The following ACY3 variants were observed in gnomAD, a reference collection of about 807,000 sequenced individuals.
The protein encoded by ACY3 is aminoacylase 3.
A neutral mutation model predicts 24.6 loss-of-function variants in ACY3; 20 were observed. That is an observed-to-expected ratio of 0.81 (90% CI 0.57 to 1.18). ACY3 has a LOEUF of 1.18. ACY3 is among the 50% of genes most tolerant of loss of function. ACY3 has a pLI of 0.00. For synonymous variants in ACY3, 174 were observed against 188.4 expected, an observed-to-expected ratio of 0.92 and a Z score of 0.62; for missense variants, 423 against 426.8, an observed-to-expected ratio of 0.99 and a Z score of 0.08.
rs3223257 is a variant in ACY3, at chr11:67,644,732, CCACACACACACACA to C, written c.744+14_744+27del. 2.3e-6 allele frequency: 3 copies of C among 1,317,644 alleles called. No individual in the cohort carries two copies. Among genetic ancestry groups the C allele is most frequent in the Non-Finnish European group, 3.1e-6 (3 of 955,682 alleles). 81.6% of individuals were successfully genotyped at this position (1,317,644 alleles called of 1,614,324 possible). A position where few individuals can be genotyped will look rare whatever the true frequency, so the allele number is the denominator to read the frequency against. On this transcript the variant is annotated intron_variant, in intron 7 of 7. Transcript: ENST00000255082. ...CTGTGGCCCCAGAAATCACCCCCCA[CCACACACACACACA>C]CACACACACACACCTGCAGCTGAGG...
intron 7 of ACY3, among the ~76,000 whole-genome samples, chr11:67,644,367 G>A (rs1205543988): frequency 6.6e-6 from 1 of 152,226 alleles, no homozygotes; most frequent in Non-Finnish European, 1.5e-5. Flanking sequence ...CATGCATGGG[G>A]ATGCTCGAGG....
chr11:67,646,764 C>T (rs546417694), intron 3 of ACY3, 44 bp downstream of exon 3: 18 of 1,577,538 alleles, frequency 1.1e-5, no homozygotes, highest in African/African-American at 5.4e-5. Flanking sequence ...GGTGGGGACT[C>T]GGTGCCCAAC....
rs367771910 is a variant in ACY3, at chr11:67,642,571, TTTA to T, written c.*150_*152del. Reference sequence around the variant, plus strand: ...CCATGGACCTCTGGACATCTTCCATTTTATAGAAAGGGAAATTGAGGCCAGGGG... The same window carrying T: ...CCATGGACCTCTGGACATCTTCCATTTAGAAAGGGAAATTGAGGCCAGGGG... On this transcript the variant is annotated 3_prime_UTR_variant, in exon 8 of 8. Coordinates refer to ENST00000255082, the MANE Select transcript of ACY3 (RefSeq NM_080658.2). 1.2e-3 allele frequency: 924 copies of T among 744,030 alleles called. 11 individuals carry two copies. In the African/African-American group the frequency reaches 0.015, roughly 12 times the overall value. The allele number at this position is 744,030 out of a possible 1,614,324, so 46.1% of individuals were successfully genotyped here.
Position 67,642,843 on chromosome 11 carries a change from C to T in ACY3, c.841G>A (p.Val281Met), listed in dbSNP as rs2290959. ...TAGTAGGCAGCCTCGTTAATGAACA[C>T]GGGGTACACCGTGGACTCTCCCTCA... The part of the protein sequence containing the change: ...LYEGESTVYP[V>M]FINEAAYYEK... Residue 281 changes from valine (V) to methionine (M), a missense_variant, in exon 8 of 8, where the codon GTG (valine) becomes ATG (methionine). Val to Met is a conservative substitution (Grantham distance 21). Transcript: ENST00000255082. 1.6e-3 allele frequency: 2,549 copies of T among 1,614,112 alleles called. 59 individuals carry two copies. The East Asian group carries it at 0.043, about 27-fold the overall frequency.
chr11:67,643,008 C>A, intron 7 of ACY3, 69 bp from the exon 8 acceptor site: 1 of 1,394,494 alleles, frequency 7.2e-7, no homozygotes, highest in Non-Finnish European at 1.0e-6. Flanking sequence ...GGGGTGACCC[C>A]AGCTTGACAC....
intron 3 of ACY3, 69 bp downstream of exon 3, chr11:67,646,739 G>T: frequency 6.9e-7 from 1 of 1,451,598 alleles, no homozygotes; most frequent in East Asian, 2.4e-5. Flanking sequence ...GCTGGTGGCG[G>T]GAGGGAAGTT....
rs772555832 is a variant in ACY3 at position 67,645,905 on chromosome 11, G to C, written c.237-18C>G. The stretch of plus-strand genomic sequence containing the variant: ...GCCTGGAACTGTGGAGACGGGAATG[G>C]GGGACACCGATCTTCACAGTCTCAG... On this transcript the variant is annotated intron_variant, in intron 3 of 7. Transcript: ENST00000255082. The C allele has an allele frequency of 2.5e-6, 4 of 1,570,718 alleles. No individual in the cohort carries two copies. The highest frequency in any genetic ancestry group is 1.7e-4 in the Middle Eastern group (1 of 5,852).
intron 4 of ACY3, 114 bp downstream of exon 4, chr11:67,645,578 G>A (rs1315434718): frequency 9.5e-6 from 13 of 1,367,246 alleles, no homozygotes; most frequent in Non-Finnish European, 1.3e-5. Context: ...GGAGCCCAGG[G>A]GAAACTAGGC....
At position 67,644,839 on chromosome 11, in the gene ACY3, G is replaced by A; in HGVS notation, c.665C>T (p.Ala222Val). 1.3e-6 allele frequency: 2 copies of A among 1,591,752 alleles called. No homozygotes were observed. Among genetic ancestry groups the A allele is most frequent in the South Asian group, 2.3e-5 (2 of 88,816 alleles). ...GTAFPAFEME[A>V]YRPVGVVDFP... is the part of the protein sequence containing the mutation. ...GTCCACGACGCCCACGGGTCTATAG[G>A]CTTCCATCTCAAAGGCAGGAAAGGC... Residue 222 changes from alanine (A) to valine (V), a missense_variant, in exon 7 of 8, where the codon GCC becomes GTC. By Grantham distance (64) the Ala-to-Val change is moderately conservative (BLOSUM62 0). Transcript: ENST00000255082.
At chr11:67,645,178 G>A (rs376516493) in intron 5 of ACY3, 26 bp from the exon 6 acceptor site, 4 of 1,607,394 alleles carry the variant, frequency 2.5e-6, no homozygotes, top group Non-Finnish European at 3.4e-6. Flanking sequence ...CAAGGGGTTA[G>A]GCAGGTGCAG....
chr11:67,643,792 C>T (rs1046659971), intron 7 of ACY3, among the ~76,000 whole-genome samples: 5 of 151,818 alleles, frequency 3.3e-5, no homozygotes, highest in Non-Finnish European at 5.9e-5. Context: ...GTCAGGAGTT[C>T]GAGACCAGCC....
In ACY3 at chr11:67,644,820, G is replaced by A. The variant is rs751421943; in HGVS notation, c.684C>T (p.Val228=). Residue 228 remains valine, a synonymous_variant, in exon 7 of 8, where the codon GTC becomes GTT. Coordinates refer to ENST00000255082, the MANE Select transcript of ACY3 (RefSeq NM_080658.2). ...FEMEAYRPVG[V]VDFPRTEAGH... Reference sequence around the variant, plus strand: ...CGGCCTCGGTGCGGGGGAAGTCCACGACGCCCACGGGTCTATAGGCTTCCA... The same window carrying A: ...CGGCCTCGGTGCGGGGGAAGTCCACAACGCCCACGGGTCTATAGGCTTCCA... The A allele has an allele frequency of 5.1e-6, 8 of 1,577,778 alleles. No homozygotes were observed. The highest frequency in any genetic ancestry group is 4.7e-5 in the East Asian group (2 of 42,722).
chr11:67,647,211 C>T (rs1591132456), intron 2 of ACY3, 148 bp from the exon 3 acceptor site: 2 of 565,254 alleles, frequency 3.5e-6, no homozygotes, highest in South Asian at 2.7e-5. Flanking sequence ...CACCTGCACC[C>T]CCAGTGGCCC....
At position 67,645,965 on chromosome 11, in the gene ACY3, G is replaced by C. The variant is rs543037555; in HGVS notation, c.237-78C>G. 7.2e-5 allele frequency: 103 copies of C among 1,422,632 alleles called. No individual in the cohort carries two copies. The Admixed American group carries it at 2.3e-3, about 32-fold the overall frequency. The allele number at this position is 1,422,632 out of a possible 1,614,324, so 88.1% of individuals were successfully genotyped here. ...AGTGGTTTAAGGGGAAAGGGGCAGGGGCCCTGCAGGAGCCACTCTGAGCAG... is the reference window on the plus strand; with the variant it reads ...AGTGGTTTAAGGGGAAAGGGGCAGGCGCCCTGCAGGAGCCACTCTGAGCAG... On this transcript the variant is annotated intron_variant, in intron 3 of 7. Coordinates refer to ENST00000255082, the MANE Select transcript of ACY3 (RefSeq NM_080658.2).
At position 67,646,737 on chromosome 11, in the gene ACY3, C is replaced by T. The variant is rs560578872; in HGVS notation, c.236+71G>A. On this transcript the variant is annotated intron_variant, in intron 3 of 7. Coordinates refer to ENST00000255082, the MANE Select transcript of ACY3 (RefSeq NM_080658.2). ...AAGGCAGGGAGGGCCCTGCTGGTGG[C>T]GGGAGGGAAGTTTTGTGGTGGGGAC... 606 of 1,435,778 alleles carry T rather than the reference C, an allele frequency of 4.2e-4. 1 individual carries two copies. The highest frequency in any genetic ancestry group is 4.9e-4 in the African/African-American group (35 of 71,326). The allele number at this position is 1,435,778 out of a possible 1,614,324, so 88.9% of individuals were successfully genotyped here.
chr11:67,649,805 ATTGTGTGC>A (rs1341178698), intron 1 of ACY3, among the ~76,000 whole-genome samples: 1 of 124,658 alleles, frequency 8.0e-6, no homozygotes, highest in African/African-American at 3.2e-5. Context: ...GCATGAGAGT[ATTGTGTGC>A]ATGTGTGCAT....
intron 1 of ACY3, among the ~76,000 whole-genome samples, chr11:67,649,822 ATGCATG>A (rs1331743668): frequency 8.4e-6 from 1 of 118,654 alleles, no homozygotes; most frequent in Non-Finnish European, 1.9e-5. Flanking sequence ...GCATGTGTGC[ATGCATG>A]TGTGTGTACA....
At chr11:67,647,109 T>C in intron 2 of ACY3, 46 bp from the exon 3 acceptor site, 1 of 1,364,060 alleles carries the variant, frequency 7.3e-7, no homozygotes, top group Admixed American at 2.7e-5. Context: ...ATGCAAGGGA[T>C]CTGGGCTCAG....
At chr11:67,646,179 C>G (rs1855514071) in intron 3 of ACY3, among the ~76,000 whole-genome samples, 1 of 152,248 alleles carries the variant, frequency 6.6e-6, no homozygotes, top group South Asian at 2.1e-4. Context: ...GGTCTCACCC[C>G]CAGGCCTGTG....
Sources: allele counts gnomAD v4.1 joint callset (sites outside exome capture counted in the v4.1 genomes callset), GRCh38; gene constraint gnomAD v4.1.1; transcripts MANE v1.5; gene names NCBI Gene and HGNC (gene_info 2026-07-23, HGNC 2026-07-21).